EPS15: variants seen among roughly 807,000 people sequenced by gnomAD.
EPS15 encodes epidermal growth factor receptor substrate 15.
EPS15 carries 72 observed loss-of-function variants against 113.8 expected under a neutral mutation model. The observed-to-expected ratio is 0.63, with a 90% CI of 0.52 to 0.77. EPS15 has a LOEUF of 0.77. EPS15 is among the 30% of genes least tolerant of loss of function. The pLI, the probability that EPS15 is intolerant of heterozygous loss-of-function variation, is 0.00. For synonymous variants in EPS15, 344 were observed against 363.4 expected, an observed-to-expected ratio of 0.95 and a Z score of 0.61; for missense variants, 1,048 against 1,045.8, an observed-to-expected ratio of 1.00 and a Z score of -0.03.
intron 8 of EPS15, among the ~76,000 whole-genome samples, chr1:51,455,313 G>A (rs1653906030): frequency 6.7e-6 from 1 of 149,316 alleles, no homozygotes; most frequent in Non-Finnish European, 1.5e-5. Context: ...TGGCCCTTTG[G>A]GCACGGTGAC....
At chr1:51,367,299 C>A (rs748421751) in intron 21 of EPS15, among the ~76,000 whole-genome samples, 1 of 152,160 alleles carries the variant, frequency 6.6e-6, no homozygotes, top group Non-Finnish European at 1.5e-5. Context: ...CGCCTGTAAT[C>A]CCAGCACTTT....
At chr1:51,400,207 T>G (rs1042687162) in intron 19 of EPS15, among the ~76,000 whole-genome samples, 4 of 152,214 alleles carry the variant, frequency 2.6e-5, no homozygotes, top group Admixed American at 2.6e-4. Flanking sequence ...TCAAAAAGCC[T>G]GATGTTTTAG....
chr1:51,437,932 T>C (rs979739589), intron 12 of EPS15, among the ~76,000 whole-genome samples: 7 of 152,002 alleles, frequency 4.6e-5, no homozygotes, highest in African/African-American at 1.7e-4. Context: ...TATATATTAA[T>C]AAAAAAATTA....
At position 51,444,923 on chromosome 1, in the gene EPS15, A is replaced by G. The variant is rs1413522858; in HGVS notation, c.920T>C (p.Met307Thr). 10 of 1,613,860 alleles carry G rather than the reference A, an allele frequency of 6.2e-6. No individual in the cohort carries two copies. The highest frequency in any genetic ancestry group is 8.5e-6 in the Non-Finnish European group (10 of 1,179,860). Residue 307 changes from methionine to threonine, a missense_variant, in exon 11 of 25, where the codon ATG (methionine) becomes ACG (threonine). Coordinates refer to ENST00000371733, the MANE Select transcript of EPS15 (RefSeq NM_001981.3). ...ACTGGCCCTGTCTGATGGTGGAATC[A>G]TTTCAGGAGTAAGAACGTGAGGAGG... ...IDPPHVLTPEMIPPSDRASLQ... is the reference protein window; with the variant it reads ...IDPPHVLTPETIPPSDRASLQ...
chr1:51,365,829 C>T, intron 22 of EPS15, 124 bp downstream of exon 22: 2 of 577,782 alleles, frequency 3.5e-6, no homozygotes, highest in Non-Finnish European at 6.1e-6. Context: ...CTGAAATCAA[C>T]ATTTGCTGTG....
rs547723232 is a variant in EPS15, at chr1:51,423,302, C to A, written c.1041-1444G>T. ...ATTGTTGCAGCCCGATCCTTCCATA[C>A]CTCAACCTATTTATCATGCAAAGAC... is the stretch of plus-strand genomic sequence containing the variant. On this transcript the variant is annotated intron_variant, in intron 12 of 24. Coordinates refer to ENST00000371733, the MANE Select transcript of EPS15 (RefSeq NM_001981.3). The A allele has an allele frequency of 1.0e-5, 13 of 1,280,720 alleles. No homozygotes were observed. The South Asian group carries it at 1.1e-4, about 11-fold the overall frequency. 79.3% of individuals were successfully genotyped at this position (1,280,720 alleles called of 1,614,324 possible).
intron 24 of EPS15, among the ~76,000 whole-genome samples, chr1:51,359,767 C>T (rs1646338504): frequency 6.6e-6 from 1 of 151,176 alleles, no homozygotes; most frequent in South Asian, 2.1e-4. Flanking sequence ...AAAAAAAAAT[C>T]AGTATAATTC....
chr1:51,486,541 C>T (rs575516237), intron 1 of EPS15, among the ~76,000 whole-genome samples: 23 of 151,782 alleles, frequency 1.5e-4, no homozygotes, highest in African/African-American at 5.3e-4. Context: ...AAAGACAGTA[C>T]CTTGTGACTA....
chr1:51,377,037 G>C (rs573749171), intron 21 of EPS15, among the ~76,000 whole-genome samples: 1 of 151,928 alleles, frequency 6.6e-6, no homozygotes. Flanking sequence ...AGGCTGAGGC[G>C]GGGTGGATCG....
At chr1:51,425,983 C>A (rs992780877) in intron 12 of EPS15, among the ~76,000 whole-genome samples, 1 of 152,076 alleles carries the variant, frequency 6.6e-6, no homozygotes, top group African/African-American at 2.4e-5. Context: ...TTTCTGCCCC[C>A]AAAATCTTAT....
chr1:51,358,951 G>A (rs1165482659), intron 24 of EPS15, among the ~76,000 whole-genome samples: 3 of 151,646 alleles, frequency 2.0e-5, no homozygotes, highest in Non-Finnish European at 2.9e-5. Flanking sequence ...TGATCCGCCC[G>A]CTTCGGCCTT....
chr1:51,384,496 C>A (rs538808986), intron 21 of EPS15, among the ~76,000 whole-genome samples: 1 of 151,788 alleles, frequency 6.6e-6, no homozygotes, highest in Non-Finnish European at 1.5e-5. Flanking sequence ...GAGACAGAGT[C>A]TCACTATGTT....
At chr1:51,468,343 A>G (rs1654999954) in intron 5 of EPS15, 130 bp downstream of exon 5, 4 of 707,794 alleles carry the variant, frequency 5.7e-6, no homozygotes, top group African/African-American at 3.6e-5. Flanking sequence ...CAGTAGGGGG[A>G]AAAAAGCCAA....
At chr1:51,386,494 C>T (rs915422166) in intron 21 of EPS15, among the ~76,000 whole-genome samples, 4 of 152,196 alleles carry the variant, frequency 2.6e-5, no homozygotes, top group African/African-American at 9.6e-5. Flanking sequence ...GCAGCCACCG[C>T]TGCTGATACC....
At chr1:51,393,652 T>C (rs370583534) in intron 21 of EPS15, among the ~76,000 whole-genome samples, 2 of 152,230 alleles carry the variant, frequency 1.3e-5, no homozygotes, top group South Asian at 4.1e-4. Context: ...TATTTACACA[T>C]TTGAGTTTAC....
At chr1:51,460,254 A>T (rs1043177463) in intron 8 of EPS15, among the ~76,000 whole-genome samples, 15 of 152,224 alleles carry the variant, frequency 9.9e-5, no homozygotes, top group African/African-American at 3.6e-4. Flanking sequence ...TTAGAAATTT[A>T]CCACTGATGA....
chr1:51,429,660 C>CTTT (rs1179922166), intron 12 of EPS15, among the ~76,000 whole-genome samples: 1 of 99,118 alleles, frequency 1.0e-5, no homozygotes. Context: ...TTTTTTTTTT[C>CTTT]TTTTTTTTGA....
Position 51,508,312 on chromosome 1 carries a change from AAG to A in EPS15, c.33+10885_33+10886del, listed in dbSNP as rs759801299. On this transcript the variant is annotated intron_variant, in intron 1 of 24. Transcript: ENST00000371733. ...AGAAAGAGAGAGAGAGAAAGAGAGAAAGAGAGAAAGAGAGAAAGAGAAAGAGA... is the reference window on the plus strand; with the variant it reads ...AGAAAGAGAGAGAGAGAAAGAGAGAAAGAGAAAGAGAGAAAGAGAAAGAGA... Among the ~76,000 whole-genome samples the A allele has an allele frequency of 2.8e-4, 36 of 126,782 alleles. 1 individual carries two copies. The highest frequency in any genetic ancestry group is 8.8e-4 in the East Asian group (4 of 4,530). The allele number at this position is 126,782 out of a possible 152,430, so 83.2% of individuals were successfully genotyped here. A position where few individuals can be genotyped will look rare whatever the true frequency, so the allele number is the denominator to read the frequency against.
intron 12 of EPS15, among the ~76,000 whole-genome samples, chr1:51,429,604 T>G (rs1651525146): frequency 6.6e-6 from 1 of 151,582 alleles, no homozygotes; most frequent in South Asian, 2.1e-4. Context: ...ATAAAGAACT[T>G]CTGTACTAGG....
Sources: allele counts gnomAD v4.1 joint callset (sites outside exome capture counted in the v4.1 genomes callset), GRCh38; gene constraint gnomAD v4.1.1; transcripts MANE v1.5; gene names NCBI Gene and HGNC (gene_info 2026-07-23, HGNC 2026-07-21).